ENAH: variants seen among roughly 807,000 people sequenced by gnomAD.
ENAH encodes ENAH actin regulator, also known as protein enabled homolog.
In ENAH, 23 loss-of-function variants were observed where a neutral mutation model predicts 78.7. The ratio of observed to expected loss-of-function variants is 0.29; its 90% confidence interval spans 0.21 to 0.41. The LOEUF is 0.41. ENAH is among the 10% of genes least tolerant of loss of function. The pLI is 1.00. For missense variants in ENAH, 544 were observed against 691.0 expected (o/e 0.79, Z 2.39); for synonymous variants, 226 against 241.0 (o/e 0.94, Z 0.58).
At chr1:225,631,912 T>C (rs1321723779) in intron 1 of ENAH, among the ~76,000 whole-genome samples, 1 of 152,224 alleles carries the variant, frequency 6.6e-6, no homozygotes, top group Non-Finnish European at 1.5e-5. Flanking sequence ...AATTATAATT[T>C]ATAAGAAAAG....
chr1:225,614,810 TTTC>T (rs1427055742), intron 1 of ENAH, among the ~76,000 whole-genome samples: 1 of 152,176 alleles, frequency 6.6e-6, no homozygotes, highest in Non-Finnish European at 1.5e-5. Flanking sequence ...CAAATATGTA[TTTC>T]TTATTATATT....
At chr1:225,510,473 G>T (rs577529899) in intron 10 of ENAH, among the ~76,000 whole-genome samples, 1 of 152,074 alleles carries the variant, frequency 6.6e-6, no homozygotes, top group East Asian at 1.9e-4. Flanking sequence ...ATTAATTTTG[G>T]CTTACAGAAA....
chr1:225,562,352 C>CA (rs1227573175), intron 2 of ENAH, among the ~76,000 whole-genome samples: 1 of 151,652 alleles, frequency 6.6e-6, no homozygotes, highest in Non-Finnish European at 1.5e-5. Context: ...GCGGGCAGAT[C>CA]ACGAGGTCAG....
rs537909916 is a variant in ENAH at position 225,568,963 on chromosome 1, T to G, written c.6-1549A>C. On this transcript the variant is annotated intron_variant, in intron 1 of 13. Coordinates refer to ENST00000366843, the MANE Select transcript of ENAH (RefSeq NM_018212.6). ...TAATGTCTACATTTTTATGCTGCACTGACATTTTTGGTAAAATACTTCTGG... is the reference window on the plus strand; with the variant it reads ...TAATGTCTACATTTTTATGCTGCACGGACATTTTTGGTAAAATACTTCTGG... Among the ~76,000 whole-genome samples the G allele has an allele frequency of 4.6e-5, 7 of 152,366 alleles. No individual in the cohort carries two copies. The South Asian group carries it at 1.5e-3, about 32-fold the overall frequency.
intron 4 of ENAH, among the ~76,000 whole-genome samples, chr1:225,529,384 A>G (rs1435602903): frequency 6.6e-6 from 1 of 150,816 alleles, no homozygotes; most frequent in Non-Finnish European, 1.5e-5. Context: ...CCTTCTTTTC[A>G]TCTCAATGAG....
At chr1:225,590,302 C>T (rs1243855825) in intron 1 of ENAH, among the ~76,000 whole-genome samples, 1 of 151,996 alleles carries the variant, frequency 6.6e-6, no homozygotes, top group Non-Finnish European at 1.5e-5. Flanking sequence ...TGGTGAGACG[C>T]TGTCTCAACT....
At chr1:225,578,235 C>A (rs1228053627) in intron 1 of ENAH, among the ~76,000 whole-genome samples, 2 of 152,156 alleles carry the variant, frequency 1.3e-5, no homozygotes, top group African/African-American at 2.4e-5. Flanking sequence ...GAAGCCAAGG[C>A]AGGAAGATCA....
At position 225,497,498 on chromosome 1, in the gene ENAH, T is replaced by G. The variant is rs2096255002; in HGVS notation, c.*277A>C. On this transcript the variant is annotated 3_prime_UTR_variant, in exon 14 of 14. Coordinates refer to ENST00000366843, the MANE Select transcript of ENAH (RefSeq NM_018212.6). ...CGTGGTGATCTTGCCTGATGGGTTT[T>G]AGTATTTTCTGCATAACTGTTACAG... 1.1e-5 allele frequency: 3 copies of G among 268,866 alleles called. No individual in the cohort carries two copies. Among genetic ancestry groups the G allele is most frequent in the Non-Finnish European group, 1.4e-5 (2 of 142,204 alleles). The allele number at this position is 268,866 out of a possible 1,614,324, so 16.7% of individuals were successfully genotyped here. A position where few individuals can be genotyped will look rare whatever the true frequency, so the allele number is the denominator to read the frequency against.
At chr1:225,553,785 G>C (rs973843690) in intron 3 of ENAH, among the ~76,000 whole-genome samples, 2 of 152,194 alleles carry the variant, frequency 1.3e-5, no homozygotes, top group Non-Finnish European at 2.9e-5. Context: ...CCAAGTTCTA[G>C]TGGTTTATTT....
At chr1:225,648,140 C>T (rs150912367) in intron 1 of ENAH, among the ~76,000 whole-genome samples, 21 of 152,234 alleles carry the variant, frequency 1.4e-4, no homozygotes, top group African/African-American at 4.8e-4. Flanking sequence ...GAAGTACAGC[C>T]TCAGCTCATA....
chr1:225,595,610 G>A (rs946036012), intron 1 of ENAH, among the ~76,000 whole-genome samples: 2 of 152,136 alleles, frequency 1.3e-5, no homozygotes, highest in South Asian at 4.1e-4. Flanking sequence ...CATGTGTTAG[G>A]ATCTCTTCAT....
intron 1 of ENAH, among the ~76,000 whole-genome samples, chr1:225,648,776 T>TTTTTA (rs1457004956): frequency 2.6e-4 from 39 of 150,814 alleles, no homozygotes; most frequent in Non-Finnish European, 4.7e-4. Context: ...TTTTTTTTTT[T>TTTTTA]ACCAGTTTAC....
chr1:225,539,591 C>T (rs1174662151), intron 3 of ENAH, among the ~76,000 whole-genome samples: 1 of 152,144 alleles, frequency 6.6e-6, no homozygotes, highest in Admixed American at 6.5e-5. Context: ...CCCAAATCAT[C>T]GCTCTTAGTA....
intron 1 of ENAH, among the ~76,000 whole-genome samples, chr1:225,582,182 TGCTCCA>T (rs887885016): frequency 6.6e-6 from 1 of 152,078 alleles, no homozygotes; most frequent in African/African-American, 2.4e-5. Context: ...CTCTTGCTCC[TGCTCCA>T]GCCACAGGAA....
chr1:225,615,328 G>A (rs867236326), intron 1 of ENAH, among the ~76,000 whole-genome samples: 5 of 152,208 alleles, frequency 3.3e-5, no homozygotes, highest in Admixed American at 6.5e-5. Context: ...TGCAGACGGA[G>A]TCTCCCTCAC....
chr1:225,517,398 T>C (rs372347977), intron 5 of ENAH, 92 bp from the exon 6 acceptor site: 1 of 1,551,542 alleles, frequency 6.4e-7, no homozygotes. Context: ...ATCCACAGTG[T>C]GAGAGTGATG....
At chr1:225,536,208 G>T (rs1032466247) in intron 3 of ENAH, among the ~76,000 whole-genome samples, 1 of 151,948 alleles carries the variant, frequency 6.6e-6, no homozygotes, top group African/African-American at 2.4e-5. Flanking sequence ...TATTAAAAAT[G>T]TGTGGCCAGA....
chr1:225,504,769 AT>A, intron 11 of ENAH, among the ~76,000 whole-genome samples: 1 of 152,326 alleles, frequency 6.6e-6, no homozygotes, highest in Non-Finnish European at 1.5e-5. Flanking sequence ...TAGATAATAC[AT>A]GTGGCCTTAG....
At chr1:225,567,158 TAC>T in intron 2 of ENAH, 89 bp downstream of exon 2, 1 of 1,397,642 alleles carries the variant, frequency 7.2e-7, no homozygotes, top group Non-Finnish European at 9.8e-7. Context: ...CTATTTTGAT[TAC>T]AGTTTTAAAA....
Sources: allele counts gnomAD v4.1 joint callset (sites outside exome capture counted in the v4.1 genomes callset), GRCh38; gene constraint gnomAD v4.1.1; transcripts MANE v1.5; gene names NCBI Gene and HGNC (gene_info 2026-07-23, HGNC 2026-07-21).